Variants in TAAR1 observed in about 807,000 individuals in gnomAD.
TAAR1 encodes the protein trace amine-associated receptor 1.
Under a neutral mutation model 1.2 loss-of-function variants are expected in TAAR1, and 1 was observed. The ratio of observed to expected loss-of-function variants is 0.81; its 90% CI spans 0.29 to 3.86. TAAR1 has a LOEUF of 3.86. TAAR1 is among the 30% of genes most tolerant of loss of function. TAAR1 has a pLI of 0.18. For missense variants in TAAR1, 445 were observed against 405.6 expected (o/e 1.10, Z -0.83); for synonymous variants, 153 against 132.2 (o/e 1.16, Z -1.08).
At chr6:132,658,685 A>C (rs1374974723) in intron 1 of TAAR1, among the ~76,000 whole-genome samples, 1 of 152,154 alleles carries the variant, frequency 6.6e-6, no homozygotes, top group African/African-American at 2.4e-5. Context: ...AATAAGACAT[A>C]TTGTAATTGT....
At chr6:132,652,192 G>C (rs1441877556) in intron 1 of TAAR1, among the ~76,000 whole-genome samples, 7 of 151,996 alleles carry the variant, frequency 4.6e-5, no homozygotes, top group Non-Finnish European at 7.4e-5. Context: ...GTTCAGAGGA[G>C]AGGTTATATG....
In TAAR1 at chr6:132,650,798, T is replaced by C. The variant is rs149508099; in HGVS notation, c.-126-4669A>G. 3.9e-5 allele frequency among the ~76,000 whole-genome samples: 6 copies of C among 152,218 alleles called. No individual in the cohort carries two copies. In the East Asian group the frequency reaches 1.2e-3, roughly 29 times the overall value. On this transcript the variant is annotated intron_variant, in intron 1 of 1. Coordinates refer to ENST00000275216, the MANE Select transcript of TAAR1 (RefSeq NM_138327.4). ...CCTATTCCAAGATATACCCTCCAAC[T>C]CTCTCTCCCCTGCATCTTCAGTGGT...
intron 1 of TAAR1, among the ~76,000 whole-genome samples, chr6:132,648,650 A>T (rs556393441): frequency 6.6e-6 from 1 of 152,204 alleles, no homozygotes; most frequent in Non-Finnish European, 1.5e-5. Flanking sequence ...ACATCATTGT[A>T]TGAGTGCTTT....
Position 132,645,786 on chromosome 6 carries a change from C to T in TAAR1, c.218G>A (p.Gly73Glu). The T allele has an allele frequency of 6.2e-7, 1 of 1,613,648 alleles. No homozygotes were observed. Among genetic ancestry groups the T allele is most frequent in the Non-Finnish European group, 8.5e-7 (1 of 1,179,804 alleles). Residue 73 changes from glycine to glutamate, a missense_variant, in exon 2 of 2, where the codon GGG (glycine) becomes GAG (glutamate). Gly to Glu is a moderately conservative substitution (Grantham distance 98). Coordinates refer to ENST00000275216, the MANE Select transcript of TAAR1 (RefSeq NM_138327.4). The part of the protein sequence containing the change: ...HSMATVDFLL[G>E]CLVMPYSMVR... Reference sequence around the variant, plus strand: ...CATACTGTAAGGCATGACCAGACACCCCAGAAGAAAGTCCACAGTGGCCAT... The same window carrying T: ...CATACTGTAAGGCATGACCAGACACTCCAGAAGAAAGTCCACAGTGGCCAT...
In TAAR1 at chr6:132,653,930, G is replaced by A. The variant is rs56109222; in HGVS notation, c.-127+5200C>T. Among the ~76,000 whole-genome samples the A allele has an allele frequency of 3.3e-3, 495 of 152,272 alleles. 4 individuals carry two copies. Among genetic ancestry groups the A allele is most frequent in the Middle Eastern group, 0.01 (3 of 294 alleles). On this transcript the variant is annotated intron_variant, in intron 1 of 1. Coordinates refer to ENST00000275216, the MANE Select transcript of TAAR1 (RefSeq NM_138327.4). ...TACAACCAGTTTGAGTTTATGAAAGGTCACAAGTCTATGATTGGCAAAGGA... is the reference window on the plus strand; with the variant it reads ...TACAACCAGTTTGAGTTTATGAAAGATCACAAGTCTATGATTGGCAAAGGA...
rs8192619 is a variant in TAAR1 at position 132,645,209 on chromosome 6, G to A, written c.795C>T (p.Cys265=). Residue 265 remains cysteine (C), a synonymous_variant, in exon 2 of 2, where the codon TGC becomes TGT. Coordinates refer to ENST00000275216, the MANE Select transcript of TAAR1 (RefSeq NM_138327.4). ...CCATGACTGTACAGATAAAGAAAGGGCACCAGCATATTAGGAAAACTCCCA... is the reference window on the plus strand; with the variant it reads ...CCATGACTGTACAGATAAAGAAAGGACACCAGCATATTAGGAAAACTCCCA... ...IVMGVFLICW[C]PFFICTVMDP... 0.06 allele frequency: 96,957 copies of A among 1,613,326 alleles called. 3,271 individuals are homozygous for A. Among genetic ancestry groups the A allele is most frequent in the East Asian group, 0.11 (5,015 of 44,840 alleles).
At chr6:132,647,368 AC>A (rs1777685536) in intron 1 of TAAR1, among the ~76,000 whole-genome samples, 2 of 71,194 alleles carry the variant, frequency 2.8e-5, no homozygotes, top group East Asian at 1.1e-3. Flanking sequence ...GCATGCACAC[AC>A]ACACACACAC....
At position 132,644,842 on chromosome 6, in the gene TAAR1, T is replaced by C. The variant is rs1212471508; in HGVS notation, c.*142A>G. 11 of 644,942 alleles carry C rather than the reference T, an allele frequency of 1.7e-5. No individual in the cohort carries two copies. The highest frequency in any genetic ancestry group is 2.8e-5 in the Non-Finnish European group (11 of 389,314). 40.0% of individuals were successfully genotyped at this position (644,942 alleles called of 1,614,324 possible). ...CCAAATAGGAAATTACCTATAAGCA[T>C]CATAATTTAACTCACCATACATACT... On this transcript the variant is annotated 3_prime_UTR_variant, in exon 2 of 2. Coordinates refer to ENST00000275216, the MANE Select transcript of TAAR1 (RefSeq NM_138327.4).
chr6:132,656,376 G>A (rs1018685634), intron 1 of TAAR1, among the ~76,000 whole-genome samples: 2 of 152,038 alleles, frequency 1.3e-5, no homozygotes, highest in African/African-American at 4.8e-5. Context: ...ACTCTAATGG[G>A]TCACTATAGG....
chr6:132,649,473 C>G (rs567459882), intron 1 of TAAR1, among the ~76,000 whole-genome samples: 2 of 152,246 alleles, frequency 1.3e-5, no homozygotes, highest in East Asian at 3.9e-4. Context: ...TGTCTTCATG[C>G]TATACCTCTG....
At chr6:132,654,366 TC>T (rs1480659638) in intron 1 of TAAR1, among the ~76,000 whole-genome samples, 1 of 152,222 alleles carries the variant, frequency 6.6e-6, no homozygotes, top group East Asian at 1.9e-4. Flanking sequence ...TATGTCATGT[TC>T]TTATTTAATT....
intron 1 of TAAR1, among the ~76,000 whole-genome samples, chr6:132,653,945 T>C (rs781718696): frequency 6.6e-6 from 1 of 152,178 alleles, no homozygotes; most frequent in African/African-American, 2.4e-5. Context: ...AAGTCTATGA[T>C]TGGCAAAGGA....
At chr6:132,655,083 C>A (rs1777789691) in intron 1 of TAAR1, among the ~76,000 whole-genome samples, 1 of 152,078 alleles carries the variant, frequency 6.6e-6, no homozygotes. Flanking sequence ...AGCCATTTAA[C>A]AAAATACAGT....
intron 1 of TAAR1, among the ~76,000 whole-genome samples, chr6:132,646,613 T>C (rs1777675634): frequency 1.3e-5 from 2 of 152,192 alleles, no homozygotes; most frequent in Non-Finnish European, 2.9e-5. Flanking sequence ...ATATTTCTTA[T>C]TTTATAATTA....
chr6:132,653,821 C>A (rs1300849124), intron 1 of TAAR1, among the ~76,000 whole-genome samples: 5 of 152,148 alleles, frequency 3.3e-5, no homozygotes, highest in African/African-American at 1.2e-4. Flanking sequence ...CACACTCAAA[C>A]CTTTGGTAAA....
rs747384408 is a variant in TAAR1 at position 132,645,505 on chromosome 6, C to T, written c.499G>A (p.Gly167Ser). The T allele has an allele frequency of 5.0e-6, 8 of 1,613,732 alleles. No homozygotes were observed. In the South Asian group the frequency reaches 8.8e-5, roughly 18 times the overall value. ...TGTTTGTAATATATCTCTTCAGCGC[C>T]TTTGAAGTTTAGCTCCAGAAAGATC... ...GMIFLELNFK[G>S]AEEIYYKHVH... is the part of the protein sequence containing the mutation. Residue 167 changes from glycine (G) to serine (S), a missense_variant, in exon 2 of 2, where the codon GGC (glycine) becomes AGC (serine). By Grantham distance (56) the Gly-to-Ser change is moderately conservative. Coordinates refer to ENST00000275216, the MANE Select transcript of TAAR1 (RefSeq NM_138327.4).
At chr6:132,650,517 T>C (rs77729056) in intron 1 of TAAR1, among the ~76,000 whole-genome samples, 4,914 of 152,264 alleles carry the variant, frequency 0.032, 116 homozygotes, top group Non-Finnish European at 0.045. Flanking sequence ...CATTCATTCC[T>C]CTCCTCTCTG....
chr6:132,647,362 GCA>G (rs55908881), intron 1 of TAAR1, among the ~76,000 whole-genome samples: 39,379 of 140,330 alleles, frequency 0.28, 6,454 homozygotes, highest in African/African-American at 0.47. Flanking sequence ...ACATACGCAT[GCA>G]CACACACACA....
Position 132,645,686 on chromosome 6 carries a change from C to A in TAAR1, c.318G>T (p.Leu106=). 6.2e-7 allele frequency: 1 copy of A among 1,613,606 alleles called. No homozygotes were observed. Among genetic ancestry groups the A allele is most frequent in the East Asian group, 2.2e-5 (1 of 44,850 alleles). Residue 106 remains leucine (L), a synonymous_variant, in exon 2 of 2, where the codon CTG becomes CTT. Coordinates refer to ENST00000275216, the MANE Select transcript of TAAR1 (RefSeq NM_138327.4). ...ACAAATGGAAAATGGAGGCTGAGCTCAGCATAATGTCGGTGCTTGTGTGAA... is the reference window on the plus strand; with the variant it reads ...ACAAATGGAAAATGGAGGCTGAGCTAAGCATAATGTCGGTGCTTGTGTGAA... ...CKIHTSTDIM[L]SSASIFHLSF...
Sources: gnomAD v4.1 joint callset for allele counts (sites outside exome capture counted in the v4.1 genomes callset) on GRCh38, gnomAD v4.1.1 for gene constraint, MANE v1.5 for transcripts, NCBI Gene and HGNC (gene_info 2026-07-23, HGNC 2026-07-21) for gene names.